The following ZNF174 variants were observed in gnomAD, a reference collection of about 807,000 sequenced individuals.
ZNF174 encodes the protein AW-1.
Under a neutral mutation model 38.7 loss-of-function variants are expected in ZNF174, and 30 were observed. The ratio of observed to expected loss-of-function variants is 0.78; its 90% confidence interval spans 0.58 to 1.05. The LOEUF is 1.05. ZNF174 is among the 50% of genes least tolerant of loss of function. ZNF174 has a pLI of 0.00. For synonymous variants in ZNF174, 201 were observed against 181.7 expected (o/e 1.11, Z -0.86); for missense variants, 499 against 495.6 (o/e 1.01, Z -0.06).
At chr16:3,404,890 A>C (rs199931806) in intron 2 of ZNF174, 105 of 1,612,532 alleles carry the variant, frequency 6.5e-5, no homozygotes, top group Middle Eastern at 1.7e-4. Context: ...GGTTGTACCT[A>C]CTTTTCTGTC....
rs1163149790 is a variant in ZNF174, at chr16:3,404,572, T to C, written c.549T>C (p.Ala183=). The C allele has an allele frequency of 5.0e-6, 8 of 1,614,084 alleles. No individual in the cohort carries two copies. The highest frequency in any genetic ancestry group is 1.1e-5 in the South Asian group (1 of 91,094). ...SSPAEPSQAG[A]YDRLSPHHWE... ...CAGCAGAGCCTTCCCAGGCAGGAGCTTATGACCGGCTGAGCCCCCATCATT... is the reference window on the plus strand; with the variant it reads ...CAGCAGAGCCTTCCCAGGCAGGAGCCTATGACCGGCTGAGCCCCCATCATT... Residue 183 remains alanine, a synonymous_variant, in exon 2 of 3, where the codon GCT becomes GCC. Transcript: ENST00000268655.
chr16:3,402,526 T>C, intron 1 of ZNF174, 120 bp downstream of exon 1: 3 of 1,010,468 alleles, frequency 3.0e-6, no homozygotes, highest in Non-Finnish European at 4.2e-6. Context: ...TGGCGCTATC[T>C]CGGCTCACTG....
At chr16:3,403,827 G>GTAACTT (rs2034007900) in intron 1 of ZNF174, among the ~76,000 whole-genome samples, 1 of 152,146 alleles carries the variant, frequency 6.6e-6, no homozygotes, top group Non-Finnish European at 1.5e-5. Context: ...CAGTTCAACT[G>GTAACTT]GCCAGCGTTG....
intron 1 of ZNF174, among the ~76,000 whole-genome samples, chr16:3,403,076 A>T (rs39728): frequency 0.33 from 48,589 of 148,908 alleles, 8,530 homozygotes; most frequent in African/African-American, 0.47. Flanking sequence ...CCTGTTGGGT[A>T]GCAGTTGGAC....
rs1238958902 is a variant in ZNF174, at chr16:3,401,383, C to CA, written c.-621dup. ...AGTTCAGCTGCGCATCGGGTTGCGG[C>CA]AGCTTCGCCAGGCCTGGGGCTGGCT... On this transcript the variant is annotated 5_prime_UTR_variant, in exon 1 of 3. Coordinates refer to ENST00000268655, the MANE Select transcript of ZNF174 (RefSeq NM_003450.3). 1.3e-5 allele frequency: 2 copies of CA among 152,436 alleles called. No individual in the cohort carries two copies. The highest frequency in any genetic ancestry group is 6.5e-5 in the Admixed American group (1 of 15,280). 9.4% of individuals were successfully genotyped at this position (152,436 alleles called of 1,614,324 possible).
rs768683755 is a variant in ZNF174 at position 3,401,962 on chromosome 16, C to T, written c.-43C>T. 21 of 1,598,910 alleles carry T rather than the reference C, an allele frequency of 1.3e-5. No individual in the cohort carries two copies. Among genetic ancestry groups the T allele is most frequent in the Non-Finnish European group, 1.7e-5 (20 of 1,176,618 alleles). On this transcript the variant is annotated 5_prime_UTR_variant, in exon 1 of 3. Coordinates refer to ENST00000268655, the MANE Select transcript of ZNF174 (RefSeq NM_003450.3). ...TTCTCCAGGGTCATGATCCCAAAGGCTTAACCCGTTTACAAGGAGAGAGTT... is the reference window on the plus strand; with the variant it reads ...TTCTCCAGGGTCATGATCCCAAAGGTTTAACCCGTTTACAAGGAGAGAGTT...
intron 2 of ZNF174, chr16:3,405,131 G>A: frequency 7.1e-7 from 1 of 1,409,846 alleles, no homozygotes; most frequent in Non-Finnish European, 9.3e-7. Flanking sequence ...TGTAACTGCT[G>A]GCCTTGTTCT....
intron 1 of ZNF174, among the ~76,000 whole-genome samples, 154 bp downstream of exon 1, chr16:3,402,560 G>A (rs533759315): frequency 1.8e-3 from 271 of 150,042 alleles, no homozygotes; most frequent in Admixed American, 6.1e-3. Flanking sequence ...CCGGGTTCAC[G>A]CCATTCTCCT....
rs181179096 is a variant in ZNF174, at chr16:3,401,663, G to A, written c.-342G>A. On this transcript the variant is annotated 5_prime_UTR_variant, in exon 1 of 3. Coordinates refer to ENST00000268655, the MANE Select transcript of ZNF174 (RefSeq NM_003450.3). ...GGGATTCCGCTCCACCCGCCGGTTA[G>A]AGCGTATTGCTCATTAAATCCGAGA... The A allele has an allele frequency of 4.3e-6, 1 of 231,010 alleles. No individual in the cohort carries two copies. Among genetic ancestry groups the A allele is most frequent in the East Asian group, 1.5e-4 (1 of 6,454 alleles). The allele number at this position is 231,010 out of a possible 1,614,324, so 14.3% of individuals were successfully genotyped here.
Position 3,409,137 on chromosome 16 carries a change from G to C in ZNF174, c.*218G>C, listed in dbSNP as rs1299303795. The C allele has an allele frequency of 7.1e-6, 4 of 564,880 alleles. No homozygotes were observed. The African/African-American group carries it at 7.5e-5, about 11-fold the overall frequency. The allele number at this position is 564,880 out of a possible 1,614,324, so 35.0% of individuals were successfully genotyped here. On this transcript the variant is annotated 3_prime_UTR_variant, in exon 3 of 3. Coordinates refer to ENST00000268655, the MANE Select transcript of ZNF174 (RefSeq NM_003450.3). ...GAAGAGAAGGCAGGTCTGGGCACTG[G>C]GGCAAAGAGAACTTAAGTCTCTGCA...
Position 3,409,085 on chromosome 16 carries a change from G to C in ZNF174, c.*166G>C. 1.4e-6 allele frequency: 1 copy of C among 724,786 alleles called. No homozygotes were observed. The highest frequency in any genetic ancestry group is 2.3e-6 in the Non-Finnish European group (1 of 440,738). The allele number at this position is 724,786 out of a possible 1,614,324, so 44.9% of individuals were successfully genotyped here. On this transcript the variant is annotated 3_prime_UTR_variant, in exon 3 of 3. Coordinates refer to ENST00000268655, the MANE Select transcript of ZNF174 (RefSeq NM_003450.3). ...GAGGAGGCCCAGAAAAGGCCAACCAGGGCCCAACCGTGCATGATGACAGGG... is the reference window on the plus strand; with the variant it reads ...GAGGAGGCCCAGAAAAGGCCAACCACGGCCCAACCGTGCATGATGACAGGG...
chr16:3,402,456 T>C (rs2033948008), intron 1 of ZNF174, 50 bp downstream of exon 1: 1 of 1,521,544 alleles, frequency 6.6e-7, no homozygotes, highest in Non-Finnish European at 8.8e-7. Flanking sequence ...TTCTTTTCTT[T>C]TTTTTTTTTT....
chr16:3,403,985 A>C (rs1441159622), intron 1 of ZNF174, among the ~76,000 whole-genome samples: 1 of 152,202 alleles, frequency 6.6e-6, no homozygotes, highest in African/African-American at 2.4e-5. Flanking sequence ...GGATCTCCTT[A>C]CCAGGAAAGC....
chr16:3,401,445 G>C lies in ZNF174; in HGVS notation c.-560G>C, dbSNP rs747409141. On this transcript the variant is annotated 5_prime_UTR_variant, in exon 1 of 3. Coordinates refer to ENST00000268655, the MANE Select transcript of ZNF174 (RefSeq NM_003450.3). ...CCGCCCTGGAGGCCGGAGCCACTGG[G>C]CCTGCGGCGCCTCGGCAGCGAGCAG... 2 of 152,946 alleles carry C rather than the reference G, an allele frequency of 1.3e-5. No homozygotes were observed. The highest frequency in any genetic ancestry group is 2.9e-5 in the Non-Finnish European group (2 of 68,544). The allele number at this position is 152,946 out of a possible 1,614,324, so 9.5% of individuals were successfully genotyped here.
intron 2 of ZNF174, among the ~76,000 whole-genome samples, chr16:3,407,752 G>C (rs1202136540): frequency 6.6e-6 from 1 of 152,168 alleles, no homozygotes; most frequent in Non-Finnish European, 1.5e-5. Flanking sequence ...TAGGATACAT[G>C]GCTAAGCCCT....
chr16:3,404,569 A>G lies in ZNF174; in HGVS notation c.546A>G (p.Gly182=). 6.2e-7 allele frequency: 1 copy of G among 1,614,202 alleles called. No individual in the cohort carries two copies. Among genetic ancestry groups the G allele is most frequent in the Middle Eastern group, 1.6e-4 (1 of 6,062 alleles). Reference sequence around the variant, plus strand: ...CTCCAGCAGAGCCTTCCCAGGCAGGAGCTTATGACCGGCTGAGCCCCCATC... The same window carrying G: ...CTCCAGCAGAGCCTTCCCAGGCAGGGGCTTATGACCGGCTGAGCCCCCATC... ...ESSPAEPSQA[G]AYDRLSPHHW... The change falls in exon 2 of 3, where the codon GGA becomes GGG. Residue 182 remains glycine, a synonymous_variant. Transcript: ENST00000268655.
In ZNF174 at chr16:3,401,962, C is replaced by G. The variant is rs768683755; in HGVS notation, c.-43C>G. On this transcript the variant is annotated 5_prime_UTR_variant, in exon 1 of 3. Coordinates refer to ENST00000268655, the MANE Select transcript of ZNF174 (RefSeq NM_003450.3). ...TTCTCCAGGGTCATGATCCCAAAGG[C>G]TTAACCCGTTTACAAGGAGAGAGTT... 6 of 1,599,028 alleles carry G rather than the reference C, an allele frequency of 3.8e-6. No homozygotes were observed. In the East Asian group the frequency reaches 8.9e-5, roughly 24 times the overall value.
At chr16:3,406,242 A>G (rs577250949) in intron 2 of ZNF174, among the ~76,000 whole-genome samples, 1 of 152,308 alleles carries the variant, frequency 6.6e-6, no homozygotes, top group Admixed American at 6.5e-5. Context: ...GTTATTATGA[A>G]GAATGCTGCT....
At chr16:3,406,030 T>A (rs575620853) in intron 2 of ZNF174, among the ~76,000 whole-genome samples, 1 of 152,276 alleles carries the variant, frequency 6.6e-6, no homozygotes, top group East Asian at 1.9e-4. Context: ...ATAAATAAAT[T>A]GAATCACACA....
Sources: gnomAD v4.1 joint callset for allele counts (sites outside exome capture counted in the v4.1 genomes callset) on GRCh38, gnomAD v4.1.1 for gene constraint, MANE v1.5 for transcripts, NCBI Gene and HGNC (gene_info 2026-07-23, HGNC 2026-07-21) for gene names.